The following DCP1B variants were observed in gnomAD, a reference collection of about 807,000 sequenced individuals.
The protein encoded by DCP1B is mRNA-decapping enzyme 1B.
In DCP1B, 47 loss-of-function variants were observed where a neutral mutation model predicts 60.5. That is an observed-to-expected ratio of 0.78 (90% CI 0.61 to 0.99). The LOEUF (loss-of-function observed/expected upper bound fraction) is 0.99, where lower values mean the gene tolerates loss of function less well. DCP1B is among the 50% of genes least tolerant of loss of function. The pLI, the probability that DCP1B is intolerant of heterozygous loss-of-function variation, is 0.00. For synonymous variants in DCP1B, 267 were observed against 280.3 expected (o/e 0.95, Z 0.47); for missense variants, 725 against 756.8 (o/e 0.96, Z 0.49).
intron 3 of DCP1B, chr12:1,991,227 T>C (rs1331449976): frequency 6.6e-6 from 3 of 456,134 alleles, no homozygotes; most frequent in South Asian, 3.1e-5. Flanking sequence ...GCCTCCTCAC[T>C]GGAGTCTCAG....
intron 2 of DCP1B, among the ~76,000 whole-genome samples, chr12:1,995,156 T>G (rs1016740876): frequency 4.6e-5 from 7 of 152,184 alleles, no homozygotes; most frequent in Admixed American, 4.6e-4. Flanking sequence ...AAATACAAAC[T>G]TATATTTGGT....
chr12:1,953,078 T>G lies in DCP1B; in HGVS notation c.862A>C (p.Lys288Gln). The change falls in exon 7 of 9, where the codon AAG (lysine) becomes CAG (glutamine). Residue 288 changes from lysine (K) to glutamine (Q), a missense_variant. Coordinates refer to ENST00000280665, the MANE Select transcript of DCP1B (RefSeq NM_152640.5). ...TTCTGAATGGCTGGACAGAGCTGCTTCTCAATGGGGGGTGAGTGTCTTCTG... is the reference window on the plus strand; with the variant it reads ...TTCTGAATGGCTGGACAGAGCTGCTGCTCAATGGGGGGTGAGTGTCTTCTG... ...EPRRHSPPIE[K>Q]QLCPAIQKLM... is the part of the protein sequence containing the mutation. 6.2e-7 allele frequency: 1 copy of G among 1,614,090 alleles called. No individual in the cohort carries two copies. Among genetic ancestry groups the G allele is most frequent in the East Asian group, 2.2e-5 (1 of 44,886 alleles).
At chr12:1,965,165 T>G (rs1323976885) in intron 5 of DCP1B, among the ~76,000 whole-genome samples, 3 of 151,980 alleles carry the variant, frequency 2.0e-5, no homozygotes, top group Admixed American at 6.6e-5. Context: ...CTTTCAGGAG[T>G]TTTTAAACAT....
At chr12:1,946,610 C>A (rs1035362131) in intron 8 of DCP1B, among the ~76,000 whole-genome samples, 2 of 152,166 alleles carry the variant, frequency 1.3e-5, no homozygotes, top group Non-Finnish European at 2.9e-5. Context: ...AGACATGAAG[C>A]CCCAGCAGAC....
intron 1 of DCP1B, among the ~76,000 whole-genome samples, chr12:1,999,487 A>G (rs1202107469): frequency 6.6e-6 from 1 of 152,188 alleles, no homozygotes; most frequent in East Asian, 1.9e-4. Context: ...TGAGGCAGGC[A>G]GGAGGATCGC....
Position 1,962,273 on chromosome 12 carries a change from TTAG to T in DCP1B, c.522+3282_522+3284del, listed in dbSNP as rs1392293739. ...GGAGATACGTATGGCTCAGGATTGG[TTAG>T]TGTGCATATTAAAGGCGTGCTCCTG... On this transcript the variant is annotated intron_variant, in intron 5 of 8. Transcript: ENST00000280665. The surrounding 1 kb of genome is among the most constrained non-coding windows in gnomAD (Gnocchi z 4.4). Among the ~76,000 whole-genome samples the T allele has an allele frequency of 6.6e-6, 1 of 152,110 alleles. No homozygotes were observed. The highest frequency in any genetic ancestry group is 2.4e-5 in the African/African-American group (1 of 41,424).
At chr12:1,963,356 AC>A (rs2031188488) in intron 5 of DCP1B, among the ~76,000 whole-genome samples, 2 of 152,340 alleles carry the variant, frequency 1.3e-5, no homozygotes, top group African/African-American at 4.8e-5. Flanking sequence ...CTGGTAGAGA[AC>A]AGCTCTCCCT....
downstream of DCP1B, among the ~76,000 whole-genome samples, chr12:1,943,979 AC>A (rs2030344239): frequency 2.6e-5 from 4 of 152,336 alleles, no homozygotes; most frequent in East Asian, 7.7e-4. Context: ...TCAAATAGGA[AC>A]AGAGGAAGTC....
downstream of DCP1B, among the ~76,000 whole-genome samples, chr12:1,944,131 C>T (rs1161523970): frequency 6.6e-6 from 1 of 152,148 alleles, no homozygotes; most frequent in African/African-American, 2.4e-5. Flanking sequence ...CATTCCTATA[C>T]ACCAATAATA....
chr12:1,954,689 G>A (rs1398258522), intron 6 of DCP1B, among the ~76,000 whole-genome samples: 2 of 152,122 alleles, frequency 1.3e-5, no homozygotes, highest in Non-Finnish European at 2.9e-5. Context: ...AGTCTACAGT[G>A]CTAGCTCTGC....
At position 1,968,279 on chromosome 12, in the gene DCP1B, G is replaced by A. The variant is rs2031455923; in HGVS notation, c.320-369C>T. ...AGGCAGGAGAATCGCTTGAACCTGGGAGGTGGAGGTTGCTGTGAGCCAGGA... is the reference window on the plus strand; with the variant it reads ...AGGCAGGAGAATCGCTTGAACCTGGAAGGTGGAGGTTGCTGTGAGCCAGGA... On this transcript the variant is annotated intron_variant, in intron 3 of 8. Transcript: ENST00000280665. Among the ~76,000 whole-genome samples the A allele has an allele frequency of 2.6e-5, 4 of 151,868 alleles. No homozygotes were observed. In the South Asian group the frequency reaches 8.3e-4, roughly 32 times the overall value.
chr12:1,969,792 C>A (rs2031766794), intron 3 of DCP1B, among the ~76,000 whole-genome samples: 1 of 152,116 alleles, frequency 6.6e-6, no homozygotes, highest in African/African-American at 2.4e-5. Flanking sequence ...GACGTTCAAC[C>A]ACTTAATAAA....
Position 1,993,344 on chromosome 12 carries a change from A to G in DCP1B, c.239T>C (p.Met80Thr), listed in dbSNP as rs753504971. 4.1e-5 allele frequency: 66 copies of G among 1,613,980 alleles called. 1 individual carries two copies. In the South Asian group the frequency reaches 7.1e-4, roughly 17 times the overall value. Residue 80 changes from methionine to threonine, a missense_variant, in exon 3 of 9, where the codon ATG becomes ACG. Met to Thr is a moderately conservative substitution (Grantham distance 81). Coordinates refer to ENST00000280665, the MANE Select transcript of DCP1B (RefSeq NM_152640.5). ...HGFTIMNRLS[M>T]ENRTEPITKD... ...AGTAATAGGTTCTGTCCTATTTTCCATGCTCAGCCTATTCATAATGGTGAA... is the reference window on the plus strand; with the variant it reads ...AGTAATAGGTTCTGTCCTATTTTCCGTGCTCAGCCTATTCATAATGGTGAA...
At position 1,953,215 on chromosome 12, in the gene DCP1B, T is replaced by C. The variant is rs774264647; in HGVS notation, c.725A>G (p.Glu242Gly). 1 of 1,608,064 alleles carries C rather than the reference T, an allele frequency of 6.2e-7. No individual in the cohort carries two copies. The highest frequency in any genetic ancestry group is 8.5e-7 in the Non-Finnish European group (1 of 1,179,996). The change falls in exon 7 of 9, where the codon GAA becomes GGA. Residue 242 changes from glutamate (E) to glycine (G), a missense_variant. Glu to Gly is a moderately conservative substitution (Grantham distance 98, BLOSUM62 -2). Transcript: ENST00000280665. ...GAGAGTCTGCGGAGGCTCCACAGTT[T>C]CCTGACATGTAGCTTTGTCCTGCTT... ...FGKQDKATCQ[E>G]TVEPPQTLHQ...
rs753972795 is a variant in DCP1B at position 1,949,071 on chromosome 12, G to A, written c.1773+15C>T. ...GGCGTGGTCAGGTGCGAAGGGAGAT[G>A]ACGTGCTTGCTTACCTGAATGAGGT... On this transcript the variant is annotated intron_variant, in intron 8 of 8. Coordinates refer to ENST00000280665, the MANE Select transcript of DCP1B (RefSeq NM_152640.5). 13 of 1,607,228 alleles carry A rather than the reference G, an allele frequency of 8.1e-6. No homozygotes were observed. The African/African-American group carries it at 1.3e-4, about 17-fold the overall frequency.
In DCP1B at chr12:1,997,933, A is replaced by C; in HGVS notation, c.191+2T>G. 6.2e-7 allele frequency: 1 copy of C among 1,605,804 alleles called. No homozygotes were observed. The highest frequency in any genetic ancestry group is 8.5e-7 in the Non-Finnish European group (1 of 1,176,246). ...TTCTTTATAAAAGTGAAACACTCTTACCTTGTATAAACAAATAAGGTTCCT... is the reference window on the plus strand; with the variant it reads ...TTCTTTATAAAAGTGAAACACTCTTCCCTTGTATAAACAAATAAGGTTCCT... On this transcript the variant is annotated splice_donor_variant, in intron 2 of 8. Coordinates refer to ENST00000280665, the MANE Select transcript of DCP1B (RefSeq NM_152640.5). LOFTEE classifies it high-confidence loss of function.
rs1322194545 is a variant in DCP1B at position 1,948,035 on chromosome 12, G to A, written c.1773+1051C>T. 6.6e-6 allele frequency among the ~76,000 whole-genome samples: 1 copy of A among 152,202 alleles called. No homozygotes were observed. Among genetic ancestry groups the A allele is most frequent in the Non-Finnish European group, 1.5e-5 (1 of 68,042 alleles). On this transcript the variant is annotated intron_variant, in intron 8 of 8. Coordinates refer to ENST00000280665, the MANE Select transcript of DCP1B (RefSeq NM_152640.5). The surrounding 1 kb of genome is among the most constrained non-coding windows in gnomAD (Gnocchi z 4.8). ...TCTTTTTAAGTAGGATAAGACAACC[G>A]CAGAAGGGCTGGCCTGCTCTCTAAA...
At chr12:1,961,937 C>T (rs1389028874) in intron 5 of DCP1B, among the ~76,000 whole-genome samples, 1 of 151,984 alleles carries the variant, frequency 6.6e-6, no homozygotes, top group African/African-American at 2.4e-5. Flanking sequence ...CAAGTGAGGC[C>T]AGAGAGGAGA....
At chr12:2,002,200 T>C (rs1000903253) in intron 1 of DCP1B, among the ~76,000 whole-genome samples, 1 of 152,322 alleles carries the variant, frequency 6.6e-6, no homozygotes, top group Middle Eastern at 3.4e-3. Flanking sequence ...TTCCCCTCCT[T>C]AAGATCCCCC....
Sources: allele counts gnomAD v4.1 joint callset (sites outside exome capture counted in the v4.1 genomes callset), GRCh38; gene constraint gnomAD v4.1.1; non-coding constraint Gnocchi (gnomAD v3.1); transcripts MANE v1.5; gene names NCBI Gene and HGNC (gene_info 2026-07-23, HGNC 2026-07-21).